The following GLRA2 variants were observed in gnomAD, a reference collection of about 807,000 sequenced individuals.
The protein encoded by GLRA2 is glycine receptor subunit alpha-2.
GLRA2 carries 11 observed loss-of-function variants against 31.6 expected under a neutral mutation model. The observed-to-expected ratio is 0.35, with a 90% CI of 0.22 to 0.58. The LOEUF (loss-of-function observed/expected upper bound fraction) is 0.58. Among genes scored for constraint, GLRA2 ranks in the 20% least tolerant of loss-of-function variants. The probability of loss-of-function intolerance (pLI) is 0.84; values close to 1 mark genes in which losing one functional copy is unlikely to be tolerated. For synonymous variants in GLRA2, 132 were observed against 134.0 expected (o/e 0.99, Z 0.10); for missense variants, 212 against 351.8 (o/e 0.60, Z 3.18).
At chrX:14,591,363 G>A (rs191085592) in intron 4 of GLRA2, among the ~76,000 whole-genome samples, 1 of 111,769 alleles carries the variant, frequency 8.9e-6, no homozygotes, top group East Asian at 2.8e-4. Context: ...TACGGAAGCC[G>A]ACAGTGCAGC....
At chrX:14,586,656 G>A (rs2090084277) in intron 4 of GLRA2, among the ~76,000 whole-genome samples, 1 of 112,017 alleles carries the variant, frequency 8.9e-6, no homozygotes, top group African/African-American at 3.2e-5. Context: ...ATAGTGAGGT[G>A]AGTCTTGAAG....
At chrX:14,690,574 A>G (rs745312229) in intron 7 of GLRA2, 136 bp from the exon 8 acceptor site, 1 of 454,407 alleles carries the variant, frequency 2.2e-6, no homozygotes, top group South Asian at 3.8e-5. Context: ...AAAACGCTGG[A>G]AAATCATTGA....
intron 2 of GLRA2, among the ~76,000 whole-genome samples, chrX:14,566,690 G>C (rs777600007): frequency 7.4e-4 from 83 of 111,656 alleles, no homozygotes; most frequent in African/African-American, 2.6e-3. Flanking sequence ...GCCTAGCAGG[G>C]AGGACTCCCT....
intron 4 of GLRA2, among the ~76,000 whole-genome samples, chrX:14,582,692 C>T (rs1242859514): frequency 8.9e-6 from 1 of 111,838 alleles, no homozygotes; most frequent in Non-Finnish European, 1.9e-5. Context: ...AATTTTAAAA[C>T]GGGAAACTCC....
chrX:14,565,820 A>G (rs1422225617), intron 2 of GLRA2, among the ~76,000 whole-genome samples: 1 of 111,694 alleles, frequency 9.0e-6, no homozygotes. Context: ...TATGGGATAC[A>G]GTGAAGGCAG....
At chrX:14,573,735 A>C (rs1319472240) in intron 2 of GLRA2, among the ~76,000 whole-genome samples, 1 of 110,205 alleles carries the variant, frequency 9.1e-6, no homozygotes, top group Non-Finnish European at 1.9e-5. Flanking sequence ...ATATGGACGT[A>C]AATTGACATT....
At chrX:14,569,737 A>G in intron 2 of GLRA2, among the ~76,000 whole-genome samples, 1 of 112,804 alleles carries the variant, frequency 8.9e-6, no homozygotes, top group Middle Eastern at 4.2e-3. Context: ...CTTATGACCC[A>G]GCAATTCCAC....
At chrX:14,661,873 A>AG (rs1452379739) in intron 7 of GLRA2, among the ~76,000 whole-genome samples, 1 of 64,180 alleles carries the variant, frequency 1.6e-5, no homozygotes, top group Non-Finnish European at 3.2e-5. Context: ...ACTCTGTCTC[A>AG]GAAAAAAAAA....
intron 7 of GLRA2, among the ~76,000 whole-genome samples, chrX:14,671,761 C>A (rs1451923887): frequency 8.9e-6 from 1 of 112,871 alleles, no homozygotes; most frequent in African/African-American, 3.2e-5. Flanking sequence ...ATCTGCTATG[C>A]ACATAGTATT....
intron 7 of GLRA2, among the ~76,000 whole-genome samples, chrX:14,667,105 C>T (rs1304280591): frequency 2.7e-5 from 3 of 111,984 alleles, no homozygotes; most frequent in African/African-American, 9.7e-5. Context: ...GGCCCCATAT[C>T]TGTGTATACA....
chrX:14,530,267 C>A (rs1442117348), intron 1 of GLRA2, 142 bp downstream of exon 1: 4 of 464,686 alleles, frequency 8.6e-6, no homozygotes, highest in Non-Finnish European at 1.5e-5. Flanking sequence ...ATTTAAAACG[C>A]CTAATAATTG....
At chrX:14,526,338 A>G (rs751923499), upstream of GLRA2, among the ~76,000 whole-genome samples, 1 of 112,819 alleles carries the variant, frequency 8.9e-6, no homozygotes, top group Admixed American at 9.4e-5. Flanking sequence ...TTCTACACAA[A>G]TATCAATGGA....
At chrX:14,613,598 T>C (rs1190499739) in intron 7 of GLRA2, among the ~76,000 whole-genome samples, 1 of 112,096 alleles carries the variant, frequency 8.9e-6, no homozygotes, top group African/African-American at 3.2e-5. Flanking sequence ...GTGCATAGGT[T>C]ATATGCAAAT....
chrX:14,544,217 G>A (rs1052226063), intron 2 of GLRA2, among the ~76,000 whole-genome samples: 1 of 111,679 alleles, frequency 9.0e-6, no homozygotes, highest in Non-Finnish European at 1.9e-5. Context: ...ATTTTGAAAA[G>A]CATAGAGAAA....
chrX:14,540,141 CTG>C (rs2089381932), intron 2 of GLRA2, among the ~76,000 whole-genome samples: 1 of 111,445 alleles, frequency 9.0e-6, no homozygotes, highest in Non-Finnish European at 1.9e-5. Context: ...TAAATAAAAA[CTG>C]GAATATAATT....
chrX:14,454,127 C>G, the GLRA2 span, among the ~76,000 whole-genome samples: 1 of 107,981 alleles, frequency 9.3e-6, no homozygotes, highest in Admixed American at 1.0e-4. Context: ...ATACAAAAGC[C>G]TACCATTCTG....
At chrX:14,603,039 C>G (rs1047732058) in intron 4 of GLRA2, among the ~76,000 whole-genome samples, 2 of 109,576 alleles carry the variant, frequency 1.8e-5, no homozygotes, top group Non-Finnish European at 3.8e-5. Context: ...TTTACATTCC[C>G]TGTAGAAAGG....
At chrX:14,563,173 T>C (rs945156349) in intron 2 of GLRA2, among the ~76,000 whole-genome samples, 8 of 112,435 alleles carry the variant, frequency 7.1e-5, no homozygotes, top group African/African-American at 2.3e-4. Flanking sequence ...AGCTTTCACC[T>C]TGGGCTGATC....
intron 2 of GLRA2, among the ~76,000 whole-genome samples, chrX:14,549,835 G>T (rs774563058): frequency 5.4e-4 from 60 of 111,446 alleles, no homozygotes; most frequent in Non-Finnish European, 8.7e-4. Context: ...AAATATAGAA[G>T]ATGAATAAGA....
Sources: allele counts gnomAD v4.1 joint callset (sites outside exome capture counted in the v4.1 genomes callset), GRCh38; gene constraint gnomAD v4.1.1; transcripts MANE v1.5; gene names NCBI Gene and HGNC (gene_info 2026-07-23, HGNC 2026-07-21).